Variants in LRRC4C observed in about 807,000 individuals in gnomAD.
LRRC4C encodes the protein leucine rich repeat containing 4C.
Under a neutral mutation model 33.6 loss-of-function variants are expected in LRRC4C, and 5 were observed. That is an observed-to-expected ratio of 0.15 (90% CI 0.08 to 0.31). LRRC4C has a LOEUF of 0.31. Ranked by LOEUF, LRRC4C falls within the 10% of genes least tolerant of loss-of-function variation. LRRC4C has a pLI of 1.00. For synonymous variants in LRRC4C, 329 were observed against 302.0 expected (o/e 1.09, Z -0.93); for missense variants, 560 against 796.7 (o/e 0.70, Z 3.58).
chr11:40,562,359 A>G (rs1957583348), intron 3 of LRRC4C, among the ~76,000 whole-genome samples: 1 of 152,240 alleles, frequency 6.6e-6, no homozygotes. Context: ...ATGCAAATAA[A>G]TTAAATTAGT....
intron 3 of LRRC4C, among the ~76,000 whole-genome samples, chr11:40,587,984 G>C (rs559267215): frequency 7.2e-5 from 11 of 152,120 alleles, no homozygotes; most frequent in African/African-American, 2.2e-4. Flanking sequence ...AATGATGCTG[G>C]CCTCATAAAA....
chr11:40,267,285 G>A (rs1302856556), intron 4 of LRRC4C, among the ~76,000 whole-genome samples: 1 of 152,106 alleles, frequency 6.6e-6, no homozygotes, highest in Non-Finnish European at 1.5e-5. Context: ...TATGATATTA[G>A]TGAGTGGTAA....
intron 1 of LRRC4C, among the ~76,000 whole-genome samples, chr11:41,208,804 C>T (rs924759923): frequency 1.3e-5 from 2 of 152,160 alleles, no homozygotes; most frequent in Non-Finnish European, 2.9e-5. Flanking sequence ...AGGATGGAGC[C>T]ACCTCCTTGG....
intron 5 of LRRC4C, among the ~76,000 whole-genome samples, chr11:40,212,889 G>A (rs1245360899): frequency 6.6e-6 from 1 of 152,128 alleles, no homozygotes; most frequent in African/African-American, 2.4e-5. Context: ...AACTTGGGGA[G>A]CAATCACCAA....
intron 1 of LRRC4C, among the ~76,000 whole-genome samples, chr11:41,276,304 C>A (rs1439103946): frequency 6.6e-6 from 1 of 152,164 alleles, no homozygotes; most frequent in Admixed American, 6.6e-5. Context: ...CCCTGGTCAC[C>A]ATCCACACAG....
At chr11:40,134,104 G>A (rs754424452) in intron 6 of LRRC4C, among the ~76,000 whole-genome samples, 2 of 152,046 alleles carry the variant, frequency 1.3e-5, no homozygotes, top group African/African-American at 2.4e-5. Context: ...GAGAAAAAAC[G>A]GAAAGAACCA....
At chr11:40,170,903 C>T (rs1859992244) in intron 5 of LRRC4C, among the ~76,000 whole-genome samples, 1 of 152,216 alleles carries the variant, frequency 6.6e-6, no homozygotes, top group Non-Finnish European at 1.5e-5. Context: ...TAAAGTAGCA[C>T]TTCTCAGAGC....
chr11:41,183,983 C>T lies in LRRC4C; in HGVS notation c.-495-250260G>A, dbSNP rs1305107728. On this transcript the variant is annotated intron_variant, in intron 1 of 6. Transcript: ENST00000528697. ...GCTTCTACCCTTTGAAGCAACAGCC[C>T]AAGCTATAACTTGGCCCCTTTTAGC... is the stretch of plus-strand genomic sequence containing the variant. 2.0e-5 allele frequency among the ~76,000 whole-genome samples: 3 copies of T among 152,304 alleles called. No individual in the cohort carries two copies. In the East Asian group the frequency reaches 5.8e-4, roughly 29 times the overall value.
chr11:40,468,930 T>C (rs1000173654), intron 3 of LRRC4C, among the ~76,000 whole-genome samples: 6 of 152,224 alleles, frequency 3.9e-5, no homozygotes, highest in Admixed American at 6.5e-5. Flanking sequence ...AAAAAGTGTG[T>C]TCTGTCACAC....
intron 2 of LRRC4C, among the ~76,000 whole-genome samples, chr11:40,653,095 A>G (rs1176272781): frequency 6.6e-6 from 1 of 152,226 alleles, no homozygotes; most frequent in East Asian, 1.9e-4. Context: ...AACTTCTGTT[A>G]TAAATAAATT....
intron 3 of LRRC4C, among the ~76,000 whole-genome samples, chr11:40,522,336 T>C (rs1184908398): frequency 6.6e-6 from 1 of 152,198 alleles, no homozygotes; most frequent in Non-Finnish European, 1.5e-5. Context: ...GGCCAGAAGA[T>C]GAAAAAGTTC....
chr11:40,357,681 C>T (rs993073494), intron 3 of LRRC4C, among the ~76,000 whole-genome samples: 6 of 152,130 alleles, frequency 3.9e-5, no homozygotes, highest in African/African-American at 1.4e-4. Context: ...TTCTCTCTCT[C>T]TCTCTCTCTC....
At chr11:40,579,266 G>A (rs986352505) in intron 3 of LRRC4C, among the ~76,000 whole-genome samples, 20 of 151,652 alleles carry the variant, frequency 1.3e-4, no homozygotes, top group African/African-American at 4.9e-4. Context: ...CCAGAAGGCA[G>A]AGGTTGCAGT....
intron 4 of LRRC4C, among the ~76,000 whole-genome samples, chr11:40,300,347 G>C (rs767603145): frequency 6.6e-6 from 1 of 152,186 alleles, no homozygotes; most frequent in African/African-American, 2.4e-5. Context: ...CTTCATGAAC[G>C]TGGATGTAGT....
At chr11:41,300,579 A>G (rs1192960982) in intron 1 of LRRC4C, among the ~76,000 whole-genome samples, 1 of 152,084 alleles carries the variant, frequency 6.6e-6, no homozygotes, top group Non-Finnish European at 1.5e-5. Flanking sequence ...GCTTCTCTCT[A>G]TTTCTCTTTT....
At chr11:40,387,166 C>T (rs950784700) in intron 3 of LRRC4C, among the ~76,000 whole-genome samples, 1 of 151,900 alleles carries the variant, frequency 6.6e-6, no homozygotes, top group African/African-American at 2.4e-5. Flanking sequence ...TTCTAACTTT[C>T]CTCATATTTA....
Position 40,359,209 on chromosome 11 carries a change from T to C in LRRC4C, c.-269-39488A>G, listed in dbSNP as rs542266349. ...ACATGTGCACCTCTCAAAAGCAGGA[T>C]ACCAGTATGTGGCCTTCATTAGAAT... is the stretch of plus-strand genomic sequence containing the variant. On this transcript the variant is annotated intron_variant, in intron 3 of 6. Coordinates refer to ENST00000528697, the MANE Select transcript of LRRC4C (RefSeq NM_001258419.2). 2.5e-4 allele frequency among the ~76,000 whole-genome samples: 38 copies of C among 152,326 alleles called. 1 individual carries two copies. The South Asian group carries it at 7.9e-3, about 32-fold the overall frequency.
chr11:40,747,513 T>C (rs555958860), intron 2 of LRRC4C, among the ~76,000 whole-genome samples: 11 of 151,986 alleles, frequency 7.2e-5, no homozygotes, highest in African/African-American at 1.9e-4. Context: ...AAAGAAAATA[T>C]GATGTCACCA....
intron 3 of LRRC4C, among the ~76,000 whole-genome samples, chr11:40,335,640 C>T (rs1277718569): frequency 6.6e-6 from 1 of 152,194 alleles, no homozygotes; most frequent in African/African-American, 2.4e-5. Context: ...TTCTTTTTCA[C>T]CGTCATTGTA....
Sources: gnomAD v4.1 joint callset for allele counts (sites outside exome capture counted in the v4.1 genomes callset) on GRCh38, gnomAD v4.1.1 for gene constraint, MANE v1.5 for transcripts, NCBI Gene and HGNC (gene_info 2026-07-23, HGNC 2026-07-21) for gene names.